Variants in ADGRF5 observed in about 807,000 individuals in gnomAD.
The protein encoded by ADGRF5 is G-protein coupled receptor 116.
In ADGRF5, 75 loss-of-function variants were observed where a neutral mutation model predicts 132.3. The ratio of observed to expected loss-of-function variants is 0.57; its 90% confidence interval spans 0.47 to 0.69. The LOEUF (loss-of-function observed/expected upper bound fraction) is 0.69. Ranked by LOEUF, ADGRF5 falls within the 30% of genes least tolerant of loss-of-function variation. The probability of loss-of-function intolerance (pLI) is 0.00; values close to 1 mark genes in which losing one functional copy is unlikely to be tolerated. For missense variants in ADGRF5, 1,516 were observed against 1,630.6 expected, an observed-to-expected ratio of 0.93 and a Z score of 1.21; for synonymous variants, 629 against 597.6, an observed-to-expected ratio of 1.05 and a Z score of -0.77.
intron 2 of ADGRF5, among the ~76,000 whole-genome samples, chr6:46,906,288 C>G (rs1397281069): frequency 6.6e-6 from 1 of 152,208 alleles, no homozygotes; most frequent in Admixed American, 6.5e-5. Context: ...AACATACATT[C>G]TGCTCAATCC....
intron 1 of ADGRF5, among the ~76,000 whole-genome samples, chr6:46,943,477 ATTG>A (rs1311041563): frequency 6.6e-6 from 1 of 152,202 alleles, no homozygotes; most frequent in Non-Finnish European, 1.5e-5. Context: ...CAGCAAGTTT[ATTG>A]TTGTTGGTGA....
chr6:46,926,807 A>G (rs1456363967), upstream of ADGRF5, among the ~76,000 whole-genome samples: 1 of 152,182 alleles, frequency 6.6e-6, no homozygotes, highest in Non-Finnish European at 1.5e-5. Context: ...GTATTTGAGG[A>G]CATGGCATTC....
chr6:46,939,519 T>G (rs890964524), intron 1 of ADGRF5, among the ~76,000 whole-genome samples: 2 of 152,208 alleles, frequency 1.3e-5, no homozygotes, highest in African/African-American at 4.8e-5. Flanking sequence ...TTAATTAAAA[T>G]GTATTGTCTC....
At chr6:46,866,871 G>A in intron 13 of ADGRF5, 54 bp downstream of exon 13, 1 of 1,087,056 alleles carries the variant, frequency 9.2e-7, no homozygotes, top group East Asian at 2.4e-5. Flanking sequence ...TAAATTTTTA[G>A]ACTCCACATA....
intron 1 of ADGRF5, chr6:46,909,051 C>T (rs956737510): frequency 2.0e-5 from 3 of 151,994 alleles, no homozygotes; most frequent in African/African-American, 7.3e-5. Context: ...CATCATTAAT[C>T]GTATAAACCT....
chr6:46,872,082 A>T (rs1489254067), intron 10 of ADGRF5, 69 bp from the exon 11 acceptor site: 2 of 1,128,250 alleles, frequency 1.8e-6, no homozygotes, highest in Non-Finnish European at 2.5e-6. Context: ...AAGAGGTCAA[A>T]TCATTTTTTT....
chr6:46,933,988 T>A (rs981846660), intron 1 of ADGRF5, among the ~76,000 whole-genome samples: 1 of 152,220 alleles, frequency 6.6e-6, no homozygotes, highest in Non-Finnish European at 1.5e-5. Flanking sequence ...CTTCCGGAAT[T>A]CCTCAAATTG....
At position 46,855,995 on chromosome 6, in the gene ADGRF5, T is replaced by G; in HGVS notation, c.3940A>C (p.Asn1314His). 1 of 1,598,670 alleles carries G rather than the reference T, an allele frequency of 6.3e-7. No individual in the cohort carries two copies. The highest frequency in any genetic ancestry group is 1.1e-5 in the South Asian group (1 of 90,548). The change falls in exon 20 of 21, where the codon AAC becomes CAC. Residue 1314 changes from asparagine to histidine, a missense_variant. Around this residue, in one of 2 missense-constraint regions of ADGRF5, gnomAD observed 571 missense variants for 701.2 expected, o/e 0.81. Transcript: ENST00000283296. The stretch of plus-strand genomic sequence containing the variant: ...TCACCTGTTTTACCAAACAAATTGT[T>G]AAATCTCCTTGATATTGGAGAACTC... ...SMSSPISRRFNNLFGKTGTYN... is the reference protein window; with the variant it reads ...SMSSPISRRFHNLFGKTGTYN...
At chr6:46,932,592 G>C (rs1777605641) in intron 1 of ADGRF5, among the ~76,000 whole-genome samples, 1 of 152,158 alleles carries the variant, frequency 6.6e-6, no homozygotes, top group African/African-American at 2.4e-5. Flanking sequence ...CATAGTGAAA[G>C]TAATTTCTGA....
intron 1 of ADGRF5, among the ~76,000 whole-genome samples, chr6:46,934,308 A>C (rs568294878): frequency 6.6e-6 from 1 of 152,328 alleles, no homozygotes; most frequent in South Asian, 2.1e-4. Context: ...GACCATGGAG[A>C]TATCTAGCAG....
At chr6:46,903,233 G>A (rs1774954544) in intron 2 of ADGRF5, among the ~76,000 whole-genome samples, 1 of 152,114 alleles carries the variant, frequency 6.6e-6, no homozygotes. Flanking sequence ...GTTTGCCAGG[G>A]CTCCCAGTGC....
At chr6:46,881,015 G>A (rs1027622007) in intron 8 of ADGRF5, among the ~76,000 whole-genome samples, 3 of 152,048 alleles carry the variant, frequency 2.0e-5, no homozygotes, top group African/African-American at 4.8e-5. Flanking sequence ...CAGGAGGATC[G>A]CTTGAGCAAG....
At chr6:46,914,898 C>T (rs954400579) in intron 1 of ADGRF5, among the ~76,000 whole-genome samples, 4 of 151,816 alleles carry the variant, frequency 2.6e-5, no homozygotes, top group African/African-American at 9.7e-5. Context: ...CTGAGACACC[C>T]TGGCTGGAGT....
At chr6:46,872,799 C>T (rs150951050) in intron 10 of ADGRF5, among the ~76,000 whole-genome samples, 301 of 152,290 alleles carry the variant, frequency 2.0e-3, no homozygotes, top group African/African-American at 6.9e-3. Context: ...CTGCCATGCA[C>T]TCCTAAGGGA....
At chr6:46,930,415 C>T (rs1367770662) in intron 1 of ADGRF5, among the ~76,000 whole-genome samples, 2 of 152,154 alleles carry the variant, frequency 1.3e-5, no homozygotes, top group Non-Finnish European at 1.5e-5. Context: ...TTGTTCATTT[C>T]CATTTCCAGT....
At chr6:46,870,662 C>A in intron 11 of ADGRF5, 2 of 219,098 alleles carry the variant, frequency 9.1e-6, no homozygotes, top group South Asian at 5.0e-5. Context: ...GAAAAAGGCT[C>A]ATGGAACCAT....
chr6:46,892,692 G>A (rs1017881059), intron 3 of ADGRF5, among the ~76,000 whole-genome samples: 1 of 152,154 alleles, frequency 6.6e-6, no homozygotes, highest in Non-Finnish European at 1.5e-5. Context: ...GGAGGTTGCA[G>A]TGAGCCGAGA....
At chr6:46,908,300 T>C (rs1775598708) in intron 1 of ADGRF5, among the ~76,000 whole-genome samples, 1 of 152,176 alleles carries the variant, frequency 6.6e-6, no homozygotes, top group South Asian at 2.1e-4. Flanking sequence ...CTATTGGAAG[T>C]TTTATCTTCC....
chr6:46,923,481 C>T (rs1199409234), upstream of ADGRF5, among the ~76,000 whole-genome samples: 1 of 152,190 alleles, frequency 6.6e-6, no homozygotes, highest in Non-Finnish European at 1.5e-5. Context: ...AGAGGATGAA[C>T]TCCAAAATGT....
Sources: gnomAD v4.1 joint callset for allele counts (sites outside exome capture counted in the v4.1 genomes callset) on GRCh38, gnomAD v4.1.1 for gene constraint, gnomAD v4.1.1 regional missense constraint, MANE v1.5 for transcripts, NCBI Gene and HGNC (gene_info 2026-07-23, HGNC 2026-07-21) for gene names.